RAPGEF2: variants seen among roughly 807,000 people sequenced by gnomAD.
RAPGEF2 encodes PDZ domain containing guanine nucleotide exchange factor (GEF) 1.
Under a neutral mutation model 186.7 loss-of-function variants are expected in RAPGEF2, and 54 were observed. That is an observed-to-expected ratio of 0.29 (90% confidence interval 0.23 to 0.36). The LOEUF is 0.36. Among genes scored for constraint, RAPGEF2 ranks in the 10% least tolerant of loss-of-function variants. RAPGEF2 has a pLI of 1.00. For missense variants in RAPGEF2, 1,532 were observed against 2,045.0 expected (o/e 0.75, Z 4.84); for synonymous variants, 712 against 705.9 (o/e 1.01, Z -0.14).
intron 14 of RAPGEF2, 41 bp from the exon 15 acceptor site, chr4:159,331,589 C>T: frequency 6.2e-7 from 1 of 1,609,980 alleles, no homozygotes; most frequent in East Asian, 2.2e-5. Context: ...TTTTATTCAG[C>T]CTGTTCTTGA....
intron 3 of RAPGEF2, among the ~76,000 whole-genome samples, chr4:159,205,723 T>C: frequency 6.6e-6 from 1 of 152,128 alleles, no homozygotes; most frequent in East Asian, 1.9e-4. Flanking sequence ...CATGCTTGCT[T>C]CCCCTTCGCC....
At chr4:159,316,437 G>A (rs1579909516) in intron 9 of RAPGEF2, among the ~76,000 whole-genome samples, 1 of 152,024 alleles carries the variant, frequency 6.6e-6, no homozygotes, top group African/African-American at 2.4e-5. Context: ...AGTACCCATT[G>A]GTAATTTTTC....
chr4:159,119,243 A>G (rs926098347), intron 1 of RAPGEF2, among the ~76,000 whole-genome samples: 6 of 152,196 alleles, frequency 3.9e-5, no homozygotes, highest in Non-Finnish European at 7.3e-5. Context: ...TCTTCTATTT[A>G]GCAAGCAATG....
At position 159,304,426 on chromosome 4, in the gene RAPGEF2, A is replaced by G; in HGVS notation, c.628A>G (p.Ser210Gly). 6.2e-7 allele frequency: 1 copy of G among 1,603,196 alleles called. No homozygotes were observed. Among genetic ancestry groups the G allele is most frequent in the South Asian group, 1.1e-5 (1 of 90,754 alleles). ...THVSSSHSGC[S>G]ITSDSGSSSL... ...CGTTTCTTCTAGCCATTCAGGATGT[A>G]GTATCACTAGTGATTCTGGGAGCAG... is the stretch of plus-strand genomic sequence containing the variant. Residue 210 changes from serine (S) to glycine (G), a missense_variant, in exon 8 of 30, where the codon AGT becomes GGT. By Grantham distance (56) the Ser-to-Gly change is moderately conservative. This residue lies in a region of RAPGEF2 where 810 missense variants were observed against 1,210.5 expected (regional missense o/e 0.67). Transcript: ENST00000691494.
intron 1 of RAPGEF2, among the ~76,000 whole-genome samples, chr4:159,105,767 G>A (rs183717137): frequency 2.7e-4 from 41 of 152,308 alleles, no homozygotes; most frequent in African/African-American, 9.6e-4. Flanking sequence ...TGAAGGAAAA[G>A]CAGATTTCAG....
At chr4:159,285,166 A>G (rs865809285) in intron 7 of RAPGEF2, among the ~76,000 whole-genome samples, 3 of 152,220 alleles carry the variant, frequency 2.0e-5, no homozygotes, top group Admixed American at 6.5e-5. Flanking sequence ...CTATTTAGTC[A>G]TATATGAAGG....
intron 7 of RAPGEF2, among the ~76,000 whole-genome samples, chr4:159,261,346 G>GCCA (rs1756852467): frequency 6.6e-6 from 1 of 152,146 alleles, no homozygotes; most frequent in Non-Finnish European, 1.5e-5. Flanking sequence ...ACGGGCGTGA[G>GCCA]CCACCGCATC....
intron 1 of RAPGEF2, among the ~76,000 whole-genome samples, chr4:159,143,834 A>G (rs1742618170): frequency 6.6e-6 from 1 of 152,204 alleles, no homozygotes; most frequent in African/African-American, 2.4e-5. Flanking sequence ...GGAGAAGTGT[A>G]GAGTCTATAA....
intron 26 of RAPGEF2, chr4:159,351,299 A>G: frequency 8.2e-7 from 1 of 1,215,454 alleles, no homozygotes. Flanking sequence ...TATTTTTCTG[A>G]AACTTTTTTT....
At chr4:159,254,036 CA>C (rs1755828400) in intron 7 of RAPGEF2, among the ~76,000 whole-genome samples, 1 of 152,178 alleles carries the variant, frequency 6.6e-6, no homozygotes, top group Admixed American at 6.5e-5. Context: ...AACCATTGTA[CA>C]TTGTAACAAA....
chr4:159,347,581 C>G (rs1001447613), intron 25 of RAPGEF2, among the ~76,000 whole-genome samples: 2 of 151,890 alleles, frequency 1.3e-5, no homozygotes, highest in African/African-American at 2.4e-5. Flanking sequence ...TCAGGAGATC[C>G]AGACCATCCT....
At chr4:159,143,448 G>A (rs1212183343) in intron 1 of RAPGEF2, among the ~76,000 whole-genome samples, 1 of 152,034 alleles carries the variant, frequency 6.6e-6, no homozygotes, top group Non-Finnish European at 1.5e-5. Flanking sequence ...TATTTGGAAT[G>A]TTTATTTTAT....
rs190406697 is a variant in RAPGEF2 at position 159,183,004 on chromosome 4, C to G, written c.70-3638C>G. Among the ~76,000 whole-genome samples, 333 of 152,282 alleles carry G rather than the reference C, an allele frequency of 2.2e-3. 3 individuals are homozygous for G. The highest frequency in any genetic ancestry group is 7.4e-3 in the African/African-American group (308 of 41,550). On this transcript the variant is annotated intron_variant, in intron 1 of 29. Coordinates refer to ENST00000691494, the MANE Select transcript of RAPGEF2 (RefSeq NM_001394067.2). ...AGATGGCAATACTACTCGGATTGGT[C>G]TGCAGATTCAATGCAACCCTACTAA...
At chr4:159,114,678 G>A (rs1738851415) in intron 1 of RAPGEF2, among the ~76,000 whole-genome samples, 1 of 152,156 alleles carries the variant, frequency 6.6e-6, no homozygotes, top group South Asian at 2.1e-4. Context: ...AAAATTGTAG[G>A]AAATAGAATA....
intron 2 of RAPGEF2, among the ~76,000 whole-genome samples, chr4:159,189,748 T>G (rs1000670835): frequency 9.2e-5 from 14 of 152,192 alleles, no homozygotes; most frequent in Non-Finnish European, 1.5e-5. Flanking sequence ...ATTTTGGTAC[T>G]TGATTCCTCC....
intron 1 of RAPGEF2, among the ~76,000 whole-genome samples, chr4:159,176,175 T>C (rs555182954): frequency 4.9e-4 from 74 of 152,310 alleles, no homozygotes; most frequent in African/African-American, 1.8e-3. Context: ...ACCCAAAGAC[T>C]GCTGGTCATC....
At chr4:159,221,350 A>G (rs141552330) in intron 4 of RAPGEF2, among the ~76,000 whole-genome samples, 3 of 152,200 alleles carry the variant, frequency 2.0e-5, no homozygotes, top group African/African-American at 7.2e-5. Flanking sequence ...CCCAGCCATC[A>G]TGTCTGCATT....
chr4:159,251,344 G>A (rs980614336), intron 7 of RAPGEF2, among the ~76,000 whole-genome samples: 8 of 152,254 alleles, frequency 5.3e-5, no homozygotes, highest in Non-Finnish European at 1.0e-4. Context: ...AGCTCTGCCC[G>A]CGTCCCAGGC....
intron 1 of RAPGEF2, among the ~76,000 whole-genome samples, chr4:159,151,087 C>A (rs1392552250): frequency 1.3e-5 from 2 of 152,188 alleles, no homozygotes; most frequent in African/African-American, 2.4e-5. Context: ...ATTGTACTTT[C>A]CTATTTCCTA....
Sources: allele counts gnomAD v4.1 joint callset (sites outside exome capture counted in the v4.1 genomes callset), GRCh38; gene constraint gnomAD v4.1.1; regional missense constraint gnomAD v4.1.1; transcripts MANE v1.5; gene names NCBI Gene and HGNC (gene_info 2026-07-23, HGNC 2026-07-21).